EFCAB11: variants seen among roughly 807,000 people sequenced by gnomAD.
EFCAB11 encodes the protein EF-hand calcium binding domain 11, also known as EF-hand calcium-binding domain-containing protein 11.
A neutral mutation model predicts 23.0 loss-of-function variants in EFCAB11; 14 were observed. The observed-to-expected ratio is 0.61, with a 90% CI of 0.40 to 0.95. The LOEUF (loss-of-function observed/expected upper bound fraction) is 0.95. Among genes scored for constraint, EFCAB11 ranks in the 40% least tolerant of loss-of-function variants. The probability of loss-of-function intolerance (pLI) is 0.00; values close to 1 mark genes in which losing one functional copy is unlikely to be tolerated. For missense variants in EFCAB11, 198 were observed against 195.8 expected, an observed-to-expected ratio of 1.01 and a Z score of -0.07; for synonymous variants, 65 against 66.6, an observed-to-expected ratio of 0.98 and a Z score of 0.11.
intron 5 of EFCAB11, among the ~76,000 whole-genome samples, chr14:89,807,198 A>G (rs1885997313): frequency 6.6e-6 from 1 of 152,254 alleles, no homozygotes; most frequent in Admixed American, 6.5e-5. Context: ...GATTTCTAGC[A>G]GGTTATGATC....
chr14:89,808,534 C>A (rs1886048725), intron 5 of EFCAB11, among the ~76,000 whole-genome samples: 1 of 152,052 alleles, frequency 6.6e-6, no homozygotes, highest in Admixed American at 6.6e-5. Context: ...CATCTCAGCC[C>A]ATTTCTCATT....
chr14:89,930,414 G>C (rs1890349388), intron 5 of EFCAB11, among the ~76,000 whole-genome samples: 1 of 152,076 alleles, frequency 6.6e-6, no homozygotes. Flanking sequence ...TCTATTCGTG[G>C]GCACATCATT....
intron 5 of EFCAB11, among the ~76,000 whole-genome samples, chr14:89,829,184 TCTGACGGTG>T: frequency 6.6e-6 from 1 of 152,344 alleles, no homozygotes; most frequent in Middle Eastern, 3.4e-3. Flanking sequence ...TAGGGTATGT[TCTGACGGTG>T]CAGGAAATAT....
At chr14:89,935,331 T>C (rs1159773659) in intron 3 of EFCAB11, among the ~76,000 whole-genome samples, 1 of 150,726 alleles carries the variant, frequency 6.6e-6, no homozygotes, top group East Asian at 1.9e-4. Flanking sequence ...TAAGTAACAT[T>C]CAATGAATAA....
At chr14:89,847,223 A>G (rs1887457033) in intron 5 of EFCAB11, among the ~76,000 whole-genome samples, 1 of 152,188 alleles carries the variant, frequency 6.6e-6, no homozygotes, top group Non-Finnish European at 1.5e-5. Flanking sequence ...TCCTGATGGC[A>G]TCCAAAACTG....
At chr14:89,881,637 G>A (rs1450272332) in intron 5 of EFCAB11, among the ~76,000 whole-genome samples, 1 of 150,164 alleles carries the variant, frequency 6.7e-6, no homozygotes, top group Non-Finnish European at 1.5e-5. Context: ...TAGTAGAGGC[G>A]GGGTTTCACC....
chr14:89,839,568 A>C (rs1041479120), intron 5 of EFCAB11, among the ~76,000 whole-genome samples: 1 of 152,248 alleles, frequency 6.6e-6, no homozygotes, highest in African/African-American at 2.4e-5. Flanking sequence ...AGAGGGAAAC[A>C]AGTGAGGTGG....
At chr14:89,824,786 G>A (rs1382350373) in intron 5 of EFCAB11, among the ~76,000 whole-genome samples, 1 of 152,002 alleles carries the variant, frequency 6.6e-6, no homozygotes, top group African/African-American at 2.4e-5. Context: ...AATTATAGCA[G>A]GGTCGATTAA....
At chr14:89,877,305 T>C (rs1888470389) in intron 5 of EFCAB11, among the ~76,000 whole-genome samples, 3 of 152,112 alleles carry the variant, frequency 2.0e-5, no homozygotes, top group Admixed American at 2.0e-4. Context: ...CCCAAAGTGC[T>C]AGGATTACAG....
chr14:89,862,292 T>C (rs866573811), intron 5 of EFCAB11, among the ~76,000 whole-genome samples: 18 of 152,294 alleles, frequency 1.2e-4, no homozygotes, highest in Middle Eastern at 3.4e-3. Context: ...ACAGTAATAA[T>C]AGAAACAGAT....
intron 5 of EFCAB11, among the ~76,000 whole-genome samples, chr14:89,894,425 C>A (rs538100679): frequency 3.8e-4 from 58 of 150,792 alleles, no homozygotes; most frequent in Non-Finnish European, 5.8e-4. Context: ...TTGTCCCCCC[C>A]ACCTCCGCCC....
At chr14:89,918,614 C>T (rs1889926440) in intron 5 of EFCAB11, among the ~76,000 whole-genome samples, 1 of 151,552 alleles carries the variant, frequency 6.6e-6, no homozygotes, top group Admixed American at 6.6e-5. Context: ...GGCAGTAAAC[C>T]CAGGAAGAGG....
At position 89,924,202 on chromosome 14, in the gene EFCAB11, A is replaced by G. The variant is rs142463647; in HGVS notation, c.410+7339T>C. On this transcript the variant is annotated intron_variant, in intron 5 of 5. Transcript: ENST00000316738. ...TTTCACCCAATTTCTAATATTCAAA[A>G]AAGGAGAGTTAGATGTCCTATGTCC... 11 of 986,000 alleles carry G rather than the reference A, an allele frequency of 1.1e-5. No homozygotes were observed. The East Asian group carries it at 1.2e-3, about 112-fold the overall frequency. The allele number at this position is 986,000 out of a possible 1,614,324, so 61.1% of individuals were successfully genotyped here.
intron 5 of EFCAB11, among the ~76,000 whole-genome samples, chr14:89,858,547 T>G (rs1887823241): frequency 6.6e-6 from 1 of 152,050 alleles, no homozygotes; most frequent in African/African-American, 2.4e-5. Flanking sequence ...TTGAGTGCAG[T>G]GGCGTGATCA....
intron 5 of EFCAB11, among the ~76,000 whole-genome samples, chr14:89,859,890 G>T (rs1228448070): frequency 6.6e-6 from 1 of 152,152 alleles, no homozygotes; most frequent in Non-Finnish European, 1.5e-5. Flanking sequence ...CATGCATTCT[G>T]AGCTTTTTTA....
chr14:89,874,750 G>A (rs1186332533), intron 5 of EFCAB11, among the ~76,000 whole-genome samples: 1 of 152,132 alleles, frequency 6.6e-6, no homozygotes, highest in African/African-American at 2.4e-5. Context: ...AAATTAGCCG[G>A]GCGCCGTGGC....
At chr14:89,865,957 A>C (rs1057187509) in intron 5 of EFCAB11, among the ~76,000 whole-genome samples, 5 of 151,688 alleles carry the variant, frequency 3.3e-5, no homozygotes, top group Non-Finnish European at 7.4e-5. Flanking sequence ...TGTGAGCCAC[A>C]ATGCCTGGCC....
rs756406070 is a variant in EFCAB11, at chr14:89,832,768, T to C, written c.411-35444A>G. On this transcript the variant is annotated intron_variant, in intron 5 of 5. Coordinates refer to ENST00000316738, the MANE Select transcript of EFCAB11 (RefSeq NM_145231.4). Reference sequence around the variant, plus strand: ...AAAGTGTAGAATCTCATGTACTTTATTGAATACTGTACTGAAAATGAAAAA... The same window carrying C: ...AAAGTGTAGAATCTCATGTACTTTACTGAATACTGTACTGAAAATGAAAAA... Among the ~76,000 whole-genome samples the C allele has an allele frequency of 6.6e-5, 10 of 152,192 alleles. 1 individual carries two copies. Among genetic ancestry groups the C allele is most frequent in the South Asian group, 2.1e-4 (1 of 4,830 alleles).
intron 5 of EFCAB11, among the ~76,000 whole-genome samples, chr14:89,894,431 C>T (rs1267717154): frequency 2.7e-5 from 4 of 150,450 alleles, no homozygotes; most frequent in Non-Finnish European, 5.9e-5. Flanking sequence ...CCCCCACCTC[C>T]GCCCCCGACA....
Sources: gnomAD v4.1 joint callset for allele counts (sites outside exome capture counted in the v4.1 genomes callset) on GRCh38, gnomAD v4.1.1 for gene constraint, MANE v1.5 for transcripts, NCBI Gene and HGNC (gene_info 2026-07-23, HGNC 2026-07-21) for gene names.